C19orf47: variants seen among roughly 807,000 people sequenced by gnomAD.
The protein encoded by C19orf47 is chromosome 19 open reading frame 47, also known as uncharacterized protein C19orf47.
Under a neutral mutation model 32.3 loss-of-function variants are expected in C19orf47, and 18 were observed. The ratio of observed to expected loss-of-function variants is 0.56; its 90% CI spans 0.39 to 0.83. C19orf47 has a LOEUF of 0.83. Among genes scored for constraint, C19orf47 ranks in the 40% least tolerant of loss-of-function variants. C19orf47 has a pLI of 0.00. For missense variants in C19orf47, 484 were observed against 531.6 expected (o/e 0.91, Z 0.88); for synonymous variants, 202 against 211.1 (o/e 0.96, Z 0.37).
chr19:40,336,023 C>G, intron 4 of C19orf47, 87 bp downstream of exon 4: 1 of 1,253,496 alleles, frequency 8.0e-7, no homozygotes, highest in Admixed American at 2.0e-5. Context: ...CGGCCTGCCT[C>G]TGCTGCCAGG....
At chr19:40,328,277 G>A (rs1600180380) in intron 6 of C19orf47, 136 bp downstream of exon 6, 3 of 1,321,748 alleles carry the variant, frequency 2.3e-6, no homozygotes, top group East Asian at 2.6e-5. Flanking sequence ...GTTTACAGAG[G>A]TGATTCAGGT....
the C19orf47 span, among the ~76,000 whole-genome samples, chr19:40,303,803 GAAA>G: frequency 8.6e-3 from 389 of 45,304 alleles, no homozygotes; most frequent in Middle Eastern, 0.019. Context: ...GACTTTGTCT[GAAA>G]AAAAAAAAAA....
intron 2 of C19orf47, among the ~76,000 whole-genome samples, chr19:40,339,562 T>C (rs115046041): frequency 2.3e-3 from 348 of 152,240 alleles, no homozygotes; most frequent in African/African-American, 7.5e-3. Context: ...CCCTTAGACA[T>C]TATGTTGAGC....
downstream of C19orf47, among the ~76,000 whole-genome samples, chr19:40,314,640 G>A (rs1484022031): frequency 1.3e-5 from 2 of 152,188 alleles, no homozygotes; most frequent in Admixed American, 6.5e-5. Context: ...CATTTCCTTT[G>A]CAGAAGAATT....
chr19:40,330,965 A>G (rs11668242), intron 5 of C19orf47, among the ~76,000 whole-genome samples: 106,297 of 152,102 alleles, frequency 0.7, 37,152 homozygotes, highest in South Asian at 0.77. Flanking sequence ...TGTTTCCATT[A>G]CTGGATTTGG....
chr19:40,299,130 C>A, the C19orf47 span, among the ~76,000 whole-genome samples: 4 of 152,044 alleles, frequency 2.6e-5, no homozygotes, highest in African/African-American at 9.7e-5. Context: ...TTTTCTCTTT[C>A]ATGTTATCTT....
intron 1 of C19orf47, among the ~76,000 whole-genome samples, chr19:40,345,420 C>T (rs534397189): frequency 4.0e-5 from 6 of 151,636 alleles, no homozygotes; most frequent in South Asian, 2.1e-4. Context: ...ATGGTAAGGC[C>T]GGGTACAGTA....
the C19orf47 span, among the ~76,000 whole-genome samples, chr19:40,297,649 G>A: frequency 4.2e-5 from 6 of 144,526 alleles, no homozygotes; most frequent in Middle Eastern, 3.5e-3. Flanking sequence ...GTAGTGAGGC[G>A]AGATTGCACC....
chr19:40,327,040 T>C (rs544522090), intron 6 of C19orf47, among the ~76,000 whole-genome samples: 2 of 151,294 alleles, frequency 1.3e-5, no homozygotes, highest in South Asian at 4.2e-4. Context: ...GAGACTGAGT[T>C]TTTGTTCTTG....
At chr19:40,344,954 G>A (rs1248082064) in intron 1 of C19orf47, among the ~76,000 whole-genome samples, 2 of 152,170 alleles carry the variant, frequency 1.3e-5, no homozygotes, top group Non-Finnish European at 2.9e-5. Context: ...GGGTCAGGAG[G>A]ATCCCTTGAG....
the C19orf47 span, among the ~76,000 whole-genome samples, chr19:40,303,020 CA>C: frequency 6.6e-6 from 1 of 152,182 alleles, no homozygotes; most frequent in Non-Finnish European, 1.5e-5. Flanking sequence ...GTGGGAAGAC[CA>C]CCTGAGGTCA....
chr19:40,324,915 G>A (rs966365759), intron 7 of C19orf47, among the ~76,000 whole-genome samples: 1 of 150,896 alleles, frequency 6.6e-6, no homozygotes, highest in Non-Finnish European at 1.5e-5. Context: ...AGCCGTGTTC[G>A]TACCACAGCA....
chr19:40,302,416 C>T, the C19orf47 span, among the ~76,000 whole-genome samples: 1 of 152,026 alleles, frequency 6.6e-6, no homozygotes, highest in African/African-American at 2.4e-5. Context: ...CAGGCATGCA[C>T]GAACATGTCT....
chr19:40,298,862 T>C, the C19orf47 span, among the ~76,000 whole-genome samples: 1 of 151,934 alleles, frequency 6.6e-6, no homozygotes, highest in Non-Finnish European at 1.5e-5. Flanking sequence ...TGAATGCATA[T>C]AAAAGTTGGA....
At chr19:40,344,830 T>C (rs1191101097) in intron 1 of C19orf47, among the ~76,000 whole-genome samples, 1 of 152,104 alleles carries the variant, frequency 6.6e-6, no homozygotes, top group Non-Finnish European at 1.5e-5. Flanking sequence ...CATATACACA[T>C]CTCAGTCGCT....
chr19:40,337,011 T>C (rs959168077), intron 2 of C19orf47, among the ~76,000 whole-genome samples: 9 of 152,176 alleles, frequency 5.9e-5, no homozygotes, highest in African/African-American at 2.2e-4. Flanking sequence ...TGGAGGGACT[T>C]TGGGTAAGTT....
the C19orf47 span, among the ~76,000 whole-genome samples, chr19:40,297,176 T>A: frequency 1.3e-5 from 2 of 152,122 alleles, no homozygotes; most frequent in East Asian, 1.9e-4. Context: ...ACAAAAAAAA[T>A]TAAAACAAAA....
chr19:40,317,359 T>A (rs550486327), downstream of C19orf47, among the ~76,000 whole-genome samples: 4 of 152,050 alleles, frequency 2.6e-5, no homozygotes, highest in South Asian at 8.3e-4. Context: ...TTTGGAAAGC[T>A]GAGATGGGAG....
chr19:40,296,725 C>A, the C19orf47 span, among the ~76,000 whole-genome samples: 1 of 152,012 alleles, frequency 6.6e-6, no homozygotes, highest in Non-Finnish European at 1.5e-5. Context: ...ACCAGCCTGG[C>A]CAACATGGTG....
Sources: allele counts gnomAD v4.1 joint callset (sites outside exome capture counted in the v4.1 genomes callset), GRCh38; gene constraint gnomAD v4.1.1; transcripts MANE v1.5; gene names NCBI Gene and HGNC (gene_info 2026-07-23, HGNC 2026-07-21).